RPS6KC1: variants seen among roughly 807,000 people sequenced by gnomAD.
RPS6KC1 encodes ribosomal protein S6 kinase C1, also known as inactive ribosomal protein S6 kinase delta-1.
RPS6KC1 carries 54 observed loss-of-function variants against 103.8 expected under a neutral mutation model. The observed-to-expected ratio is 0.52, with a 90% CI of 0.42 to 0.65. The LOEUF (loss-of-function observed/expected upper bound fraction) is 0.65, where lower values mean the gene tolerates loss of function less well. RPS6KC1 is among the 30% of genes least tolerant of loss of function. The pLI, the probability that RPS6KC1 is intolerant of heterozygous loss-of-function variation, is 0.00. For synonymous variants in RPS6KC1, 439 were observed against 438.7 expected, an observed-to-expected ratio of 1.00 and a Z score of -0.01; for missense variants, 1,151 against 1,253.8, an observed-to-expected ratio of 0.92 and a Z score of 1.24.
chr1:213,615,641 C>T, the RPS6KC1 span, among the ~76,000 whole-genome samples: 3 of 152,238 alleles, frequency 2.0e-5, no homozygotes, highest in African/African-American at 7.2e-5. Context: ...GCCCTCCTCC[C>T]TAGCTGGTGC....
At chr1:213,855,309 G>A in the RPS6KC1 span, among the ~76,000 whole-genome samples, 1 of 152,136 alleles carries the variant, frequency 6.6e-6, no homozygotes, top group Admixed American at 6.5e-5. Context: ...CGCTTATCAA[G>A]TCGTATCATC....
chr1:213,664,477 C>T, the RPS6KC1 span, among the ~76,000 whole-genome samples: 1 of 152,198 alleles, frequency 6.6e-6, no homozygotes, highest in South Asian at 2.1e-4. Flanking sequence ...CAGTCTAGCT[C>T]TCTCTAGTAT....
chr1:213,858,493 T>A, the RPS6KC1 span, among the ~76,000 whole-genome samples: 1 of 152,006 alleles, frequency 6.6e-6, no homozygotes, highest in Non-Finnish European at 1.5e-5. Flanking sequence ...CTCAAAGAGG[T>A]CAGTAACAGT....
At chr1:213,714,912 A>T in the RPS6KC1 span, among the ~76,000 whole-genome samples, 2 of 152,136 alleles carry the variant, frequency 1.3e-5, no homozygotes, top group East Asian at 3.9e-4. Flanking sequence ...GGTGGGAGGG[A>T]CGGCCATCAA....
chr1:213,759,005 A>T, the RPS6KC1 span, among the ~76,000 whole-genome samples: 1 of 152,352 alleles, frequency 6.6e-6, no homozygotes, highest in African/African-American at 2.4e-5. Flanking sequence ...TGTGCATAAA[A>T]TGCTATCAAA....
the RPS6KC1 span, among the ~76,000 whole-genome samples, chr1:213,552,520 G>A: frequency 6.6e-6 from 1 of 152,106 alleles, no homozygotes; most frequent in Non-Finnish European, 1.5e-5. Context: ...CTTTGGTGAG[G>A]TATCTGTTCA....
the RPS6KC1 span, among the ~76,000 whole-genome samples, chr1:213,826,933 G>T: frequency 6.6e-6 from 1 of 152,288 alleles, no homozygotes; most frequent in African/African-American, 2.4e-5. Flanking sequence ...GCTACACTCT[G>T]CTGCTTCTAG....
chr1:213,854,510 C>CTTTCTTTCTT, the RPS6KC1 span, among the ~76,000 whole-genome samples: 7 of 120,934 alleles, frequency 5.8e-5, no homozygotes, highest in South Asian at 2.8e-4. Flanking sequence ...CTCTTTCTTT[C>CTTTCTTTCTT]TCTTTCTTTC....
chr1:213,486,115 G>T, the RPS6KC1 span, among the ~76,000 whole-genome samples: 1 of 152,090 alleles, frequency 6.6e-6, no homozygotes, highest in African/African-American at 2.4e-5. Flanking sequence ...ACAACACAGT[G>T]GTTTCAAGTC....
At chr1:213,482,553 T>TG in the RPS6KC1 span, among the ~76,000 whole-genome samples, 9 of 120,918 alleles carry the variant, frequency 7.4e-5, no homozygotes, top group Admixed American at 4.9e-4. Flanking sequence ...TTTTTTTTTT[T>TG]TTTTTTTTTT....
the RPS6KC1 span, among the ~76,000 whole-genome samples, chr1:213,418,830 C>T: frequency 6.6e-6 from 1 of 152,192 alleles, no homozygotes; most frequent in Non-Finnish European, 1.5e-5. Context: ...CTAGCCCTCT[C>T]AGGTGAAACA....
At chr1:213,328,111 G>A in the RPS6KC1 span, among the ~76,000 whole-genome samples, 9 of 152,222 alleles carry the variant, frequency 5.9e-5, no homozygotes, top group East Asian at 1.2e-3. Flanking sequence ...TCTTGAGAGC[G>A]GGGCAGGATT....
chr1:213,520,187 G>A, the RPS6KC1 span, among the ~76,000 whole-genome samples: 2 of 152,118 alleles, frequency 1.3e-5, no homozygotes, highest in Non-Finnish European at 2.9e-5. Context: ...TCTGAGACTG[G>A]GTTTATAAAG....
the RPS6KC1 span, among the ~76,000 whole-genome samples, chr1:213,648,461 C>A: frequency 6.6e-6 from 1 of 152,176 alleles, no homozygotes. Flanking sequence ...TGATGACCTA[C>A]CTGTGCCCCA....
At chr1:213,776,029 T>C in the RPS6KC1 span, among the ~76,000 whole-genome samples, 2 of 152,212 alleles carry the variant, frequency 1.3e-5, no homozygotes, top group Admixed American at 1.3e-4. Flanking sequence ...AACTCAGTCA[T>C]ATTTTCAGGC....
At chr1:213,402,482 T>TTA in the RPS6KC1 span, among the ~76,000 whole-genome samples, 121,366 of 151,922 alleles carry the variant, frequency 0.8, 49,248 homozygotes, top group East Asian at 0.99. Flanking sequence ...AACATCCCAT[T>TTA]GAATCCTGAT....
chr1:213,738,209 C>G, the RPS6KC1 span, among the ~76,000 whole-genome samples: 1 of 152,096 alleles, frequency 6.6e-6, no homozygotes, highest in African/African-American at 2.4e-5. Flanking sequence ...AGTCAGGGTG[C>G]GTTGCTGGGT....
chr1:213,218,154 C>T (rs1213364117), intron 8 of RPS6KC1, among the ~76,000 whole-genome samples: 3 of 152,164 alleles, frequency 2.0e-5, no homozygotes, highest in Non-Finnish European at 4.4e-5. Flanking sequence ...TCTCCTTAAA[C>T]TGATAAGCAA....
At chr1:213,440,199 C>A in the RPS6KC1 span, among the ~76,000 whole-genome samples, 1 of 152,104 alleles carries the variant, frequency 6.6e-6, no homozygotes, top group African/African-American at 2.4e-5. Context: ...CAACTCCCTA[C>A]GAGCTCAAAA....
Sources: gnomAD v4.1 joint callset for allele counts (sites outside exome capture counted in the v4.1 genomes callset) on GRCh38, gnomAD v4.1.1 for gene constraint, MANE v1.5 for transcripts, NCBI Gene and HGNC (gene_info 2026-07-23, HGNC 2026-07-21) for gene names.